The following NR2C2 variants were observed in gnomAD, a reference collection of about 807,000 sequenced individuals.
NR2C2 encodes the protein nuclear receptor subfamily 2 group C member 2.
A neutral mutation model predicts 62.9 loss-of-function variants in NR2C2; 6 were observed. That is an observed-to-expected ratio of 0.10 (90% CI 0.05 to 0.19). The LOEUF (loss-of-function observed/expected upper bound fraction) is 0.19. Ranked by LOEUF, NR2C2 falls within the 10% of genes least tolerant of loss-of-function variation. The probability of loss-of-function intolerance (pLI) is 1.00; values close to 1 mark genes in which losing one functional copy is unlikely to be tolerated. For missense variants in NR2C2, 479 were observed against 762.7 expected (o/e 0.63, Z 4.38); for synonymous variants, 272 against 273.8 (o/e 0.99, Z 0.07).
intron 11 of NR2C2, among the ~76,000 whole-genome samples, chr3:15,036,947 C>T (rs1014782393): frequency 6.6e-6 from 1 of 151,962 alleles, no homozygotes; most frequent in African/African-American, 2.4e-5. Context: ...CATGGTGAAA[C>T]CCTGTCTCTA....
chr3:14,962,430 A>C (rs1012314234), intron 1 of NR2C2: 1 of 152,686 alleles, frequency 6.5e-6, no homozygotes, highest in Admixed American at 6.5e-5. Context: ...ATCTTGGTTC[A>C]CCATGGCTAC....
At chr3:14,964,936 C>G (rs192770523) in intron 1 of NR2C2, among the ~76,000 whole-genome samples, 1 of 152,260 alleles carries the variant, frequency 6.6e-6, no homozygotes, top group East Asian at 1.9e-4. Flanking sequence ...CAGAAACACT[C>G]CTGGCCAGGA....
Position 15,043,293 on chromosome 3 carries a change from A to G in NR2C2, c.*285A>G. ...TTCTCAAAGGGCAAAAAACAAAAAA[A>G]AAGGTTTTATAATGTCAGAGACTAG... is the stretch of plus-strand genomic sequence containing the variant. On this transcript the variant is annotated 3_prime_UTR_variant, in exon 14 of 14. Transcript: ENST00000425241. 4.2e-6 allele frequency: 1 copy of G among 240,782 alleles called. No individual in the cohort carries two copies. The highest frequency in any genetic ancestry group is 7.9e-6 in the Non-Finnish European group (1 of 126,078). 14.9% of individuals were successfully genotyped at this position (240,782 alleles called of 1,614,324 possible).
intron 12 of NR2C2, 103 bp from the exon 13 acceptor site, chr3:15,039,019 A>T: frequency 2.6e-6 from 2 of 777,126 alleles, no homozygotes; most frequent in Non-Finnish European, 4.4e-6. Context: ...AATTTGTTGT[A>T]CTTAAGAAGT....
chr3:15,019,016 T>TA (rs35022020), intron 4 of NR2C2, among the ~76,000 whole-genome samples: 12,083 of 76,252 alleles, frequency 0.16, 1,260 homozygotes, highest in African/African-American at 0.29. Context: ...ACTCTTGTCT[T>TA]AAAAAAAAAA....
At chr3:14,972,374 C>T (rs984083116) in intron 1 of NR2C2, among the ~76,000 whole-genome samples, 1 of 151,942 alleles carries the variant, frequency 6.6e-6, no homozygotes, top group Non-Finnish European at 1.5e-5. Flanking sequence ...AGAGTTTCAC[C>T]ATGATGGCCA....
In NR2C2 at chr3:15,030,400, C is replaced by G; in HGVS notation, c.1058C>G (p.Pro353Arg). 1.9e-6 allele frequency: 3 copies of G among 1,610,066 alleles called. No individual in the cohort carries two copies. Among genetic ancestry groups the G allele is most frequent in the Non-Finnish European group, 2.5e-6 (3 of 1,178,874 alleles). The change falls in exon 9 of 14, where the codon CCC becomes CGC. Residue 353 changes from proline to arginine, a missense_variant. Physicochemically the swap from Pro to Arg is moderately radical, Grantham distance 103. Around this residue, in one of 4 missense-constraint regions of NR2C2, gnomAD observed 151 missense variants for 176.1 expected, o/e 0.86. Coordinates refer to ENST00000425241, the MANE Select transcript of NR2C2 (RefSeq NM_001291694.2). Reference protein sequence around the residue: ...IHVISRDQSTPIIEVEGPLLS... With the variant: ...IHVISRDQSTRIIEVEGPLLS... ...GTCATCAGCAGAGACCAGTCGACACCCATCATTGAGGTTGAAGGCCCCCTC... is the reference window on the plus strand; with the variant it reads ...GTCATCAGCAGAGACCAGTCGACACGCATCATTGAGGTTGAAGGCCCCCTC...
At chr3:14,980,558 TAAGA>T (rs67824909) in intron 1 of NR2C2, among the ~76,000 whole-genome samples, 16,063 of 152,010 alleles carry the variant, frequency 0.11, 1,030 homozygotes, top group Middle Eastern at 0.17. Context: ...CCACTAAAAA[TAAGA>T]AAGCCACATG....
chr3:14,980,402 A>G (rs2040332801), intron 1 of NR2C2, among the ~76,000 whole-genome samples: 1 of 152,182 alleles, frequency 6.6e-6, no homozygotes, highest in East Asian at 1.9e-4. Flanking sequence ...GCCTCAAGCC[A>G]TTCTCCTGCC....
At chr3:15,022,906 A>G (rs977441005) in intron 5 of NR2C2, among the ~76,000 whole-genome samples, 1 of 152,210 alleles carries the variant, frequency 6.6e-6, no homozygotes, top group African/African-American at 2.4e-5. Flanking sequence ...AAAATTAATA[A>G]AATGGCCCAG....
At chr3:14,988,978 T>C (rs1052512665) in intron 1 of NR2C2, among the ~76,000 whole-genome samples, 6 of 152,210 alleles carry the variant, frequency 3.9e-5, no homozygotes, top group African/African-American at 1.4e-4. Context: ...TAAAAGTAAA[T>C]ATCCGTAATA....
chr3:14,958,590 T>C (rs151073045), intron 1 of NR2C2, among the ~76,000 whole-genome samples: 1,610 of 152,364 alleles, frequency 0.011, 9 homozygotes, highest in Non-Finnish European at 0.016. Context: ...ATTAGTGTTA[T>C]GCTTGGCTCC....
At chr3:15,038,807 G>C (rs1182723834) in intron 12 of NR2C2, 1 of 238,624 alleles carries the variant, frequency 4.2e-6, no homozygotes, top group Non-Finnish European at 8.1e-6. Flanking sequence ...ATGACAATTT[G>C]TAATTTTATG....
chr3:14,957,615 G>A (rs748838352), intron 1 of NR2C2, among the ~76,000 whole-genome samples: 2 of 152,056 alleles, frequency 1.3e-5, no homozygotes, highest in Non-Finnish European at 2.9e-5. Context: ...AAGGTCTCAC[G>A]ATGTTGCCCA....
intron 2 of NR2C2, among the ~76,000 whole-genome samples, chr3:15,005,116 G>T (rs2041130183): frequency 6.6e-6 from 1 of 151,938 alleles, no homozygotes; most frequent in Admixed American, 6.6e-5. Flanking sequence ...AGTCTGCTTT[G>T]TCTGAAATTA....
intron 2 of NR2C2, among the ~76,000 whole-genome samples, chr3:15,007,812 G>A (rs555652103): frequency 6.6e-6 from 1 of 152,346 alleles, no homozygotes; most frequent in East Asian, 1.9e-4. Context: ...GTCCTGTCAT[G>A]TTCTGGGCAG....
intron 6 of NR2C2, 31 bp downstream of exon 6, chr3:15,023,378 T>C: frequency 6.2e-7 from 1 of 1,611,628 alleles, no homozygotes; most frequent in African/African-American, 1.3e-5. Flanking sequence ...GCAATCAGCC[T>C]TTGCAGCTGA....
chr3:14,968,685 C>T (rs1384047228), intron 1 of NR2C2, among the ~76,000 whole-genome samples: 3 of 144,516 alleles, frequency 2.1e-5, no homozygotes, highest in Non-Finnish European at 4.5e-5. Context: ...CACATGCACA[C>T]GTATGTTTAT....
chr3:14,982,152 A>G (rs558705132), intron 1 of NR2C2, among the ~76,000 whole-genome samples: 1 of 152,046 alleles, frequency 6.6e-6, no homozygotes, highest in Non-Finnish European at 1.5e-5. Flanking sequence ...CTGCAGCCTC[A>G]CTCTTGGGCT....
Sources: gnomAD v4.1 joint callset for allele counts (sites outside exome capture counted in the v4.1 genomes callset) on GRCh38, gnomAD v4.1.1 for gene constraint, gnomAD v4.1.1 regional missense constraint, MANE v1.5 for transcripts, NCBI Gene and HGNC (gene_info 2026-07-23, HGNC 2026-07-21) for gene names.